CDH13: variants seen among roughly 807,000 people sequenced by gnomAD.
CDH13 encodes the protein cadherin 13.
In CDH13, 24 loss-of-function variants were observed where a neutral mutation model predicts 63.8. The observed-to-expected ratio is 0.38, with a 90% CI of 0.27 to 0.53. CDH13 has a LOEUF of 0.53. Among genes scored for constraint, CDH13 ranks in the 20% least tolerant of loss-of-function variants. CDH13 has a pLI of 0.85. For missense variants in CDH13, 1,049 were observed against 903.1 expected (o/e 1.16, Z -2.07); for synonymous variants, 503 against 355.3 (o/e 1.42, Z -4.67).
intron 7 of CDH13, among the ~76,000 whole-genome samples, chr16:83,520,148 C>T (rs1173117003): frequency 1.3e-5 from 2 of 152,010 alleles, no homozygotes; most frequent in Non-Finnish European, 1.5e-5. Flanking sequence ...AGTCTTGAAA[C>T]AATACATATG....
At chr16:83,459,013 A>G (rs1051317065) in intron 6 of CDH13, among the ~76,000 whole-genome samples, 1 of 152,240 alleles carries the variant, frequency 6.6e-6, no homozygotes, top group African/African-American at 2.4e-5. Flanking sequence ...TTAACATCTT[A>G]ACTGTCAATT....
chr16:83,108,622 G>T (rs1597351591), intron 3 of CDH13, among the ~76,000 whole-genome samples: 1 of 152,272 alleles, frequency 6.6e-6, no homozygotes. Context: ...GGTCGGGAAA[G>T]GGTGGGCTTC....
At chr16:83,792,636 A>G (rs965785171) in intron 13 of CDH13, among the ~76,000 whole-genome samples, 5 of 152,184 alleles carry the variant, frequency 3.3e-5, no homozygotes, top group African/African-American at 1.2e-4. Flanking sequence ...ACCCCCCACA[A>G]AGAATTATCC....
intron 5 of CDH13, among the ~76,000 whole-genome samples, chr16:83,236,525 T>C (rs1019003933): frequency 3.9e-5 from 6 of 152,286 alleles, no homozygotes; most frequent in African/African-American, 1.4e-4. Context: ...AAGGAAGTTA[T>C]CAGCATGGAG....
chr16:83,763,049 T>A (rs191283009), intron 11 of CDH13, among the ~76,000 whole-genome samples: 1 of 152,298 alleles, frequency 6.6e-6, no homozygotes, highest in East Asian at 1.9e-4. Context: ...TATATGATTA[T>A]CAAACGCGTC....
At chr16:83,443,941 A>C (rs2151499563) in intron 6 of CDH13, among the ~76,000 whole-genome samples, 1 of 150,030 alleles carries the variant, frequency 6.7e-6, no homozygotes, top group South Asian at 2.1e-4. Flanking sequence ...CTAAAAAAAA[A>C]AAAAAATCAA....
intron 2 of CDH13, among the ~76,000 whole-genome samples, chr16:82,977,623 C>T (rs937369752): frequency 5.3e-5 from 8 of 152,156 alleles, no homozygotes; most frequent in Non-Finnish European, 7.3e-5. Flanking sequence ...CCTGCAGAAC[C>T]GTGAGTCAAT....
intron 2 of CDH13, among the ~76,000 whole-genome samples, chr16:82,862,774 T>G (rs2039993425): frequency 6.6e-6 from 1 of 152,192 alleles, no homozygotes; most frequent in African/African-American, 2.4e-5. Context: ...ACAGTGAAAG[T>G]TTATTTCTCA....
At chr16:83,303,243 G>C (rs2089792157) in intron 5 of CDH13, among the ~76,000 whole-genome samples, 1 of 152,192 alleles carries the variant, frequency 6.6e-6, no homozygotes, top group African/African-American at 2.4e-5. Flanking sequence ...CTAATGTTAG[G>C]AAGATGAATA....
intron 2 of CDH13, among the ~76,000 whole-genome samples, chr16:82,963,810 A>G (rs74030330): frequency 0.036 from 5,455 of 152,218 alleles, 321 homozygotes; most frequent in African/African-American, 0.12. Flanking sequence ...GCCCAGGGGA[A>G]CAGCATTTTC....
chr16:82,806,764 G>A (rs1943397711), intron 1 of CDH13, among the ~76,000 whole-genome samples: 1 of 152,112 alleles, frequency 6.6e-6, no homozygotes. Flanking sequence ...ACAATGAAGA[G>A]TGAAATACAG....
chr16:82,894,276 G>A (rs1044725320), intron 2 of CDH13, among the ~76,000 whole-genome samples: 4 of 152,158 alleles, frequency 2.6e-5, no homozygotes, highest in African/African-American at 9.7e-5. Flanking sequence ...TTAAAGGATT[G>A]TTCTCCCATG....
intron 5 of CDH13, among the ~76,000 whole-genome samples, chr16:83,288,042 C>T (rs1282551135): frequency 1.3e-5 from 2 of 152,206 alleles, no homozygotes; most frequent in African/African-American, 2.4e-5. Context: ...CTTATGTTGG[C>T]ACTGTGATGT....
At chr16:83,383,349 C>G (rs2091607384) in intron 6 of CDH13, 1 of 152,206 alleles carries the variant, frequency 6.6e-6, no homozygotes, top group Non-Finnish European at 1.5e-5. Context: ...AAAAAGTCAC[C>G]ATTTTCCCCT....
intron 2 of CDH13, among the ~76,000 whole-genome samples, chr16:82,979,732 C>A (rs538548913): frequency 6.6e-6 from 1 of 152,272 alleles, no homozygotes; most frequent in African/African-American, 2.4e-5. Context: ...TGAGAACAGA[C>A]AAATGCACAG....
intron 5 of CDH13, among the ~76,000 whole-genome samples, chr16:83,291,604 T>A (rs969024200): frequency 1.3e-5 from 2 of 151,906 alleles, no homozygotes; most frequent in South Asian, 4.2e-4. Context: ...TAGATTTATT[T>A]CCACAGAGAC....
chr16:83,198,601 A>T (rs116108509), intron 4 of CDH13, among the ~76,000 whole-genome samples: 1 of 152,146 alleles, frequency 6.6e-6, no homozygotes, highest in Non-Finnish European at 1.5e-5. Context: ...GAAAGGGACT[A>T]TTTGGCGACA....
intron 2 of CDH13, among the ~76,000 whole-genome samples, chr16:83,008,924 A>T (rs917463691): frequency 6.6e-6 from 1 of 152,166 alleles, no homozygotes; most frequent in Non-Finnish European, 1.5e-5. Flanking sequence ...AGGGGAAGCA[A>T]ACACGTCCAT....
At chr16:83,300,004 A>G (rs574308223) in intron 5 of CDH13, among the ~76,000 whole-genome samples, 2 of 151,998 alleles carry the variant, frequency 1.3e-5, no homozygotes, top group African/African-American at 2.4e-5. Context: ...TAAGTTGTCA[A>G]ATGAGAGCCT....
Sources: allele counts gnomAD v4.1 joint callset (sites outside exome capture counted in the v4.1 genomes callset), GRCh38; gene constraint gnomAD v4.1.1; transcripts MANE v1.5; gene names NCBI Gene and HGNC (gene_info 2026-07-23, HGNC 2026-07-21).